The following UVRAG variants were observed in gnomAD, a reference collection of about 807,000 sequenced individuals.
UVRAG encodes the protein UV radiation resistance-associated gene protein.
A neutral mutation model predicts 78.0 loss-of-function variants in UVRAG; 19 were observed. That is an observed-to-expected ratio of 0.24 (90% CI 0.17 to 0.36). The LOEUF is 0.36. Ranked by LOEUF, UVRAG falls within the 10% of genes least tolerant of loss-of-function variation. The probability of loss-of-function intolerance (pLI) is 1.00; values close to 1 mark genes in which losing one functional copy is unlikely to be tolerated. For missense variants in UVRAG, 740 were observed against 853.8 expected (o/e 0.87, Z 1.66); for synonymous variants, 323 against 324.6 (o/e 1.00, Z 0.05).
At chr11:75,970,605 C>T (rs904435299) in intron 7 of UVRAG, among the ~76,000 whole-genome samples, 10 of 151,918 alleles carry the variant, frequency 6.6e-5, no homozygotes, top group South Asian at 2.1e-4. Flanking sequence ...TGGTCGCGGG[C>T]GCCTGTAGTC....
intron 13 of UVRAG, among the ~76,000 whole-genome samples, chr11:76,070,852 A>G (rs934290804): frequency 1.3e-5 from 2 of 152,210 alleles, no homozygotes; most frequent in African/African-American, 4.8e-5. Context: ...GGAGAGCTAT[A>G]TTGCTTAATG....
At chr11:75,878,737 T>G (rs1314764553) in intron 3 of UVRAG, among the ~76,000 whole-genome samples, 4 of 152,102 alleles carry the variant, frequency 2.6e-5, no homozygotes, top group Admixed American at 2.6e-4. Context: ...GGCGCGCGCC[T>G]GCAATCGCAG....
At chr11:75,980,743 G>A (rs560976637) in intron 7 of UVRAG, among the ~76,000 whole-genome samples, 11 of 150,076 alleles carry the variant, frequency 7.3e-5, no homozygotes, top group African/African-American at 1.2e-4. Flanking sequence ...GTGTAATGGC[G>A]TGACCTCGAC....
chr11:76,094,029 C>T (rs200561485), intron 13 of UVRAG, among the ~76,000 whole-genome samples: 1 of 152,012 alleles, frequency 6.6e-6, no homozygotes, highest in Non-Finnish European at 1.5e-5. Context: ...TTGAGATACG[C>T]CCCATCAATA....
chr11:75,827,312 A>G (rs1437511698), intron 1 of UVRAG, among the ~76,000 whole-genome samples: 1 of 151,940 alleles, frequency 6.6e-6, no homozygotes, highest in African/African-American at 2.4e-5. Context: ...ATATTAGCGT[A>G]TGTTAAAACT....
At chr11:75,958,414 C>A (rs1029040283) in intron 6 of UVRAG, among the ~76,000 whole-genome samples, 1 of 152,094 alleles carries the variant, frequency 6.6e-6, no homozygotes, top group East Asian at 1.9e-4. Context: ...GTGTTTATAG[C>A]TTCTTCACCA....
chr11:75,963,163 A>C (rs1203049734), intron 7 of UVRAG, among the ~76,000 whole-genome samples: 1 of 152,170 alleles, frequency 6.6e-6, no homozygotes, highest in Non-Finnish European at 1.5e-5. Flanking sequence ...CATATTTTGC[A>C]TATTTTTCTC....
At chr11:75,911,477 G>T in intron 5 of UVRAG, 2 of 172,918 alleles carry the variant, frequency 1.2e-5, no homozygotes. Flanking sequence ...TCTCGTTGTG[G>T]GTGTGATCCT....
intron 6 of UVRAG, among the ~76,000 whole-genome samples, chr11:75,960,783 AAAGAT>A (rs1457214740): frequency 6.6e-6 from 1 of 152,176 alleles, no homozygotes; most frequent in Non-Finnish European, 1.5e-5. Context: ...AAATTAAATT[AAAGAT>A]AAGGAGACCA....
intron 14 of UVRAG, chr11:76,137,256 G>C (rs1286705375): frequency 2.2e-6 from 1 of 449,528 alleles, no homozygotes; most frequent in Admixed American, 2.4e-5. Flanking sequence ...GCGGGCAGGG[G>C]CACTGATTCA....
chr11:75,906,098 G>T (rs1312796106), intron 5 of UVRAG, among the ~76,000 whole-genome samples: 3 of 152,080 alleles, frequency 2.0e-5, no homozygotes, highest in African/African-American at 7.2e-5. Flanking sequence ...CTGGAAATTA[G>T]ACCTCTGTCA....
At chr11:76,106,921 T>G (rs2134452832) in intron 13 of UVRAG, among the ~76,000 whole-genome samples, 1 of 22,310 alleles carries the variant, frequency 4.5e-5, no homozygotes, top group East Asian at 4.9e-4. Context: ...TAGCCCTTCT[T>G]TGATGGGCTG....
At chr11:75,892,528 A>C in intron 5 of UVRAG, 5 of 535,410 alleles carry the variant, frequency 9.3e-6, no homozygotes, top group Non-Finnish European at 1.2e-5. Flanking sequence ...GGAAGTTGGC[A>C]CAGAGAACTT....
intron 6 of UVRAG, among the ~76,000 whole-genome samples, chr11:75,935,855 A>G (rs745621868): frequency 2.0e-5 from 3 of 152,216 alleles, no homozygotes; most frequent in Non-Finnish European, 4.4e-5. Flanking sequence ...TTAACATGTT[A>G]CTGGCATCTC....
intron 13 of UVRAG, among the ~76,000 whole-genome samples, chr11:76,073,917 G>C (rs1050262559): frequency 1.3e-5 from 2 of 152,142 alleles, no homozygotes; most frequent in Non-Finnish European, 2.9e-5. Context: ...TGGTAACAAT[G>C]AGTGCAGAAG....
chr11:76,088,284 A>G (rs938744827), intron 13 of UVRAG, among the ~76,000 whole-genome samples: 15 of 152,186 alleles, frequency 9.9e-5, no homozygotes, highest in African/African-American at 3.6e-4. Flanking sequence ...GTAATTCTTC[A>G]TTGCCTCTAC....
intron 4 of UVRAG, among the ~76,000 whole-genome samples, chr11:75,880,884 A>G (rs1002666088): frequency 1.3e-5 from 2 of 150,176 alleles, no homozygotes; most frequent in Non-Finnish European, 3.0e-5. Flanking sequence ...TGGGCTCAAA[A>G]GTAGCTCCAT....
intron 6 of UVRAG, among the ~76,000 whole-genome samples, chr11:75,960,661 G>A (rs1467077606): frequency 6.6e-6 from 1 of 152,074 alleles, no homozygotes; most frequent in East Asian, 1.9e-4. Context: ...CAGCTATTTG[G>A]GGGCCTGAGG....
chr11:75,876,247 G>T lies in UVRAG; in HGVS notation c.271-3632G>T, dbSNP rs557502712. Among the ~76,000 whole-genome samples the T allele has an allele frequency of 3.9e-5, 6 of 152,232 alleles. No homozygotes were observed. In the East Asian group the frequency reaches 1.2e-3, roughly 29 times the overall value. On this transcript the variant is annotated intron_variant, in intron 3 of 14. Transcript: ENST00000356136. Reference sequence around the variant, plus strand: ...TGTCTCATCAGTCATTATCAGAAATGGATGGCTCCCTTCCATTCACCCATT... The same window carrying T: ...TGTCTCATCAGTCATTATCAGAAATTGATGGCTCCCTTCCATTCACCCATT...
Sources: gnomAD v4.1 joint callset for allele counts (sites outside exome capture counted in the v4.1 genomes callset) on GRCh38, gnomAD v4.1.1 for gene constraint, MANE v1.5 for transcripts, NCBI Gene and HGNC (gene_info 2026-07-23, HGNC 2026-07-21) for gene names.